The following CADM2 variants were observed in gnomAD, a reference collection of about 807,000 sequenced individuals.
The protein encoded by CADM2 is immunoglobulin superfamily member 4D.
Under a neutral mutation model 49.8 loss-of-function variants are expected in CADM2, and 12 were observed. The ratio of observed to expected loss-of-function variants is 0.24; its 90% CI spans 0.15 to 0.39. CADM2 has a LOEUF of 0.39. Among genes scored for constraint, CADM2 ranks in the 10% least tolerant of loss-of-function variants. The pLI, the probability that CADM2 is intolerant of heterozygous loss-of-function variation, is 1.00. For synonymous variants in CADM2, 214 were observed against 175.4 expected (o/e 1.22, Z -1.74); for missense variants, 378 against 492.3 (o/e 0.77, Z 2.20).
At chr3:85,911,949 A>G (rs1053271084) in intron 5 of CADM2, among the ~76,000 whole-genome samples, 1 of 144,646 alleles carries the variant, frequency 6.9e-6, no homozygotes, top group African/African-American at 2.6e-5. Flanking sequence ...TTATTTATTA[A>G]TTTTTTTTTT....
chr3:85,178,688 G>A (rs565917603), intron 1 of CADM2, among the ~76,000 whole-genome samples: 2 of 151,792 alleles, frequency 1.3e-5, no homozygotes, highest in African/African-American at 4.8e-5. Context: ...TGAAATAAGT[G>A]AATTTAAACT....
intron 3 of CADM2, among the ~76,000 whole-genome samples, chr3:85,824,120 A>C (rs2073769403): frequency 6.6e-6 from 1 of 152,192 alleles, no homozygotes; most frequent in African/African-American, 2.4e-5. Flanking sequence ...AATAGTGGAT[A>C]GTTTATTTTA....
chr3:85,352,271 G>T (rs1010026320), intron 1 of CADM2, among the ~76,000 whole-genome samples: 1 of 152,034 alleles, frequency 6.6e-6, no homozygotes. Flanking sequence ...TATTATAAAA[G>T]CAGCACTAGA....
chr3:85,212,908 T>C (rs2041835082), intron 1 of CADM2, among the ~76,000 whole-genome samples: 1 of 131,814 alleles, frequency 7.6e-6, no homozygotes, highest in African/African-American at 2.8e-5. Context: ...TTTAATGGAG[T>C]CTCACACTGT....
intron 1 of CADM2, among the ~76,000 whole-genome samples, chr3:85,574,217 A>T (rs2107260811): frequency 6.6e-6 from 1 of 152,328 alleles, no homozygotes; most frequent in South Asian, 2.1e-4. Flanking sequence ...TGGAATTTGG[A>T]TCTTGAAGCT....
chr3:85,714,982 A>T (rs2067240045), intron 1 of CADM2, among the ~76,000 whole-genome samples: 1 of 152,088 alleles, frequency 6.6e-6, no homozygotes, highest in African/African-American at 2.4e-5. Context: ...GAGTCCAATC[A>T]TTATCGTTCC....
chr3:85,138,373 G>A (rs2039480952), intron 1 of CADM2, among the ~76,000 whole-genome samples: 1 of 152,124 alleles, frequency 6.6e-6, no homozygotes, highest in South Asian at 2.1e-4. Flanking sequence ...TGAGTCTCTT[G>A]AGGCTTTCTT....
At chr3:85,056,532 G>C (rs182605048) in intron 1 of CADM2, among the ~76,000 whole-genome samples, 1 of 152,072 alleles carries the variant, frequency 6.6e-6, no homozygotes, top group Non-Finnish European at 1.5e-5. Flanking sequence ...TAAAAGATAG[G>C]GGCCTTAAAG....
intron 2 of CADM2, among the ~76,000 whole-genome samples, chr3:85,780,213 C>T (rs2070568426): frequency 6.6e-6 from 1 of 152,096 alleles, no homozygotes. Context: ...AGTAGGCCGA[C>T]ATGTACATTC....
At chr3:85,045,127 A>C in intron 1 of CADM2, among the ~76,000 whole-genome samples, 1 of 152,062 alleles carries the variant, frequency 6.6e-6, no homozygotes, top group East Asian at 1.9e-4. Flanking sequence ...TCTTTCAAAC[A>C]TTTATTCTGA....
chr3:85,674,017 G>A (rs190426813), intron 1 of CADM2, among the ~76,000 whole-genome samples: 3 of 151,940 alleles, frequency 2.0e-5, no homozygotes, highest in South Asian at 2.1e-4. Context: ...CTGTTTCTCC[G>A]GGTCATTCAT....
chr3:85,109,570 G>T (rs1219567929), intron 1 of CADM2, among the ~76,000 whole-genome samples: 1 of 151,922 alleles, frequency 6.6e-6, no homozygotes, highest in Non-Finnish European at 1.5e-5. Context: ...ACTTGGGAAT[G>T]CTACTATGGA....
chr3:85,116,032 A>C (rs749827674), intron 1 of CADM2, among the ~76,000 whole-genome samples: 3 of 152,224 alleles, frequency 2.0e-5, no homozygotes, highest in Non-Finnish European at 4.4e-5. Flanking sequence ...CTTTGTAAAA[A>C]CACATGTGCG....
Position 85,319,177 on chromosome 3 carries a change from G to A in CADM2, c.61+359509G>A, listed in dbSNP as rs182766502. The stretch of plus-strand genomic sequence containing the variant: ...ATCAATGCTAACTGTCATTTATTTA[G>A]CACCTAATTTTTTAACCTCTTGAAT... On this transcript the variant is annotated intron_variant, in intron 1 of 9. Coordinates refer to ENST00000383699, the MANE Select transcript of CADM2 (RefSeq NM_001167675.2). Among the ~76,000 whole-genome samples, 3 of 152,196 alleles carry A rather than the reference G, an allele frequency of 2.0e-5. No individual in the cohort carries two copies. In the East Asian group the frequency reaches 5.8e-4, roughly 29 times the overall value.
chr3:85,253,300 G>A (rs1431399934), intron 1 of CADM2, among the ~76,000 whole-genome samples: 1 of 152,026 alleles, frequency 6.6e-6, no homozygotes, highest in Non-Finnish European at 1.5e-5. Context: ...AGTTATTATT[G>A]TGTGATTATG....
chr3:85,147,894 T>G (rs2039802013), intron 1 of CADM2, among the ~76,000 whole-genome samples: 1 of 152,196 alleles, frequency 6.6e-6, no homozygotes, highest in South Asian at 2.1e-4. Flanking sequence ...TTACTAATTA[T>G]AAAGTACAAA....
At chr3:85,347,562 T>C (rs999264398) in intron 1 of CADM2, among the ~76,000 whole-genome samples, 8 of 137,434 alleles carry the variant, frequency 5.8e-5, no homozygotes, top group Non-Finnish European at 9.2e-5. Flanking sequence ...TATACACACA[T>C]ATATATAAAT....
At chr3:85,725,564 A>G (rs1336154223) in intron 1 of CADM2, among the ~76,000 whole-genome samples, 2 of 152,012 alleles carry the variant, frequency 1.3e-5, no homozygotes, top group African/African-American at 4.8e-5. Flanking sequence ...ATATCACTTC[A>G]GAAGTATTTA....
At chr3:85,241,708 TATTC>T (rs1358379411) in intron 1 of CADM2, among the ~76,000 whole-genome samples, 1 of 151,618 alleles carries the variant, frequency 6.6e-6, no homozygotes, top group Non-Finnish European at 1.5e-5. Context: ...TTTGTATATT[TATTC>T]ATTCATATGT....
Sources: gnomAD v4.1 joint callset for allele counts (sites outside exome capture counted in the v4.1 genomes callset) on GRCh38, gnomAD v4.1.1 for gene constraint, MANE v1.5 for transcripts, NCBI Gene and HGNC (gene_info 2026-07-23, HGNC 2026-07-21) for gene names.